Variants in SEMA4D observed in about 807,000 individuals in gnomAD.
SEMA4D encodes semaphorin-4D.
In SEMA4D, 22 loss-of-function variants were observed where a neutral mutation model predicts 74.8. That is an observed-to-expected ratio of 0.29 (90% CI 0.21 to 0.42). The LOEUF is 0.42. Among genes scored for constraint, SEMA4D ranks in the 10% least tolerant of loss-of-function variants. The pLI is 1.00. For missense variants in SEMA4D, 937 were observed against 1,118.4 expected (o/e 0.84, Z 2.31); for synonymous variants, 445 against 463.7 (o/e 0.96, Z 0.52).
Position 89,378,856 on chromosome 9 carries a change from TG to T in SEMA4D, c.2436del (p.Asp812GlufsTer41). 6.2e-7 allele frequency: 1 copy of T among 1,614,222 alleles called. No homozygotes were observed. Among genetic ancestry groups the T allele is most frequent in the African/African-American group, 1.3e-5 (1 of 75,064 alleles). On this transcript the variant is annotated frameshift_variant, in exon 16 of 16. Coordinates refer to ENST00000422704, the MANE Select transcript of SEMA4D (RefSeq NM_001371194.2). LOFTEE classifies it high-confidence loss of function. Reference protein sequence around the residue: ...QNGEHPKPALDTGYETEQDTI... With the variant: ...QNGEHPKPALXTGYETEQDTI... ...GTGTCTTGCTCGGTCTCATAGCCGGTGTCCAGGGCTGGCTTGGGGTGCTCCC... is the reference window on the plus strand; with the variant it reads ...GTGTCTTGCTCGGTCTCATAGCCGGTTCCAGGGCTGGCTTGGGGTGCTCCC...
At chr9:89,390,413 G>A (rs1010289793) in intron 9 of SEMA4D, among the ~76,000 whole-genome samples, 2 of 152,220 alleles carry the variant, frequency 1.3e-5, no homozygotes, top group Non-Finnish European at 2.9e-5. Flanking sequence ...CCTGGCTACG[G>A]AAGGCCTGGG....
At chr9:89,428,779 G>C (rs1291657264) in intron 2 of SEMA4D, among the ~76,000 whole-genome samples, 1 of 152,202 alleles carries the variant, frequency 6.6e-6, no homozygotes, top group African/African-American at 2.4e-5. Flanking sequence ...CCCCAGAAGA[G>C]CAAAAAACCA....
At chr9:89,460,119 C>G (rs1856870584) in intron 1 of SEMA4D, among the ~76,000 whole-genome samples, 1 of 152,196 alleles carries the variant, frequency 6.6e-6, no homozygotes, top group South Asian at 2.1e-4. Context: ...CGATGCATCC[C>G]CCGCCTGCTC....
downstream of SEMA4D, among the ~76,000 whole-genome samples, chr9:89,375,045 T>C (rs1835599775): frequency 6.6e-6 from 1 of 152,072 alleles, no homozygotes; most frequent in African/African-American, 2.4e-5. Flanking sequence ...AGAGCAAGAC[T>C]CTGCCTCAAA....
intron 1 of SEMA4D, chr9:89,479,886 T>C (rs1862770204): frequency 6.6e-6 from 1 of 152,296 alleles, no homozygotes; most frequent in Non-Finnish European, 1.5e-5. Context: ...CCCGAGCGGG[T>C]TGCCAATGCT....
chr9:89,382,830 G>T (rs1341850695), intron 13 of SEMA4D, among the ~76,000 whole-genome samples: 2 of 152,228 alleles, frequency 1.3e-5, no homozygotes, highest in African/African-American at 4.8e-5. Flanking sequence ...TGCCCTGGGT[G>T]GCCAAGTGGG....
At chr9:89,382,674 C>G (rs535369351) in intron 13 of SEMA4D, among the ~76,000 whole-genome samples, 1 of 152,316 alleles carries the variant, frequency 6.6e-6, no homozygotes, top group South Asian at 2.1e-4. Context: ...GATCACAGTT[C>G]GGGCATCGCG....
rs558915621 is a variant in SEMA4D at position 89,381,580 on chromosome 9, C to A, written c.1447-234G>T. 156 of 412,814 alleles carry A rather than the reference C, an allele frequency of 3.8e-4. No homozygotes were observed. Among genetic ancestry groups the A allele is most frequent in the Middle Eastern group, 1.9e-3 (3 of 1,586 alleles). The allele number at this position is 412,814 out of a possible 1,614,324, so 25.6% of individuals were successfully genotyped here. On this transcript the variant is annotated intron_variant, in intron 13 of 15. Coordinates refer to ENST00000422704, the MANE Select transcript of SEMA4D (RefSeq NM_001371194.2). The surrounding 1 kb of genome is among the most constrained non-coding windows in gnomAD (Gnocchi z 4.6). ...GCCTTAGGTCCAAATCCCTCTCTCCCCTGTCTGGGCACCCACAGGTGCCTG... is the reference window on the plus strand; with the variant it reads ...GCCTTAGGTCCAAATCCCTCTCTCCACTGTCTGGGCACCCACAGGTGCCTG...
intron 2 of SEMA4D, among the ~76,000 whole-genome samples, chr9:89,433,156 T>C (rs1310247041): frequency 1.3e-5 from 2 of 152,236 alleles, no homozygotes; most frequent in Non-Finnish European, 2.9e-5. Flanking sequence ...ACTTCTCACC[T>C]CACTGTCTAT....
chr9:89,378,952 C>G lies in SEMA4D; in HGVS notation c.2341G>C (p.Asp781His), dbSNP rs753846484. ...LLIGKKKPKS[D>H]FCDREQSLKE... ...AGGCTCTGCTCACGGTCACAGAAAT[C>G]TGACTTGGGCTTCTTCTTCCCAATT... The change falls in exon 16 of 16, where the codon GAT (aspartate) becomes CAT (histidine). Residue 781 changes from aspartate (D) to histidine (H), a missense_variant. Coordinates refer to ENST00000422704, the MANE Select transcript of SEMA4D (RefSeq NM_001371194.2). 34 of 1,614,072 alleles carry G rather than the reference C, an allele frequency of 2.1e-5. No individual in the cohort carries two copies. The highest frequency in any genetic ancestry group is 2.5e-5 in the Non-Finnish European group (30 of 1,180,034).
chr9:89,465,465 G>A (rs1423538851), intron 1 of SEMA4D, among the ~76,000 whole-genome samples: 3 of 152,242 alleles, frequency 2.0e-5, no homozygotes, highest in Non-Finnish European at 4.4e-5. Context: ...GTTGGCTGGG[G>A]GAATGGGGAT....
intron 1 of SEMA4D, among the ~76,000 whole-genome samples, chr9:89,464,045 T>C (rs1858029030): frequency 6.6e-6 from 1 of 152,142 alleles, no homozygotes; most frequent in African/African-American, 2.4e-5. Context: ...CACGTGCTTT[T>C]GGGGTTCTAT....
At chr9:89,398,207 C>A (rs906421060) in intron 5 of SEMA4D, among the ~76,000 whole-genome samples, 8 of 152,078 alleles carry the variant, frequency 5.3e-5, no homozygotes, top group African/African-American at 1.9e-4. Context: ...AAACTACCCA[C>A]AGCCCACCCT....
In SEMA4D at chr9:89,392,354, G is replaced by A. The variant is rs933235812; in HGVS notation, c.622+69C>T. 28 of 1,215,904 alleles carry A rather than the reference G, an allele frequency of 2.3e-5. No homozygotes were observed. The African/African-American group carries it at 3.6e-4, about 16-fold the overall frequency. The allele number at this position is 1,215,904 out of a possible 1,614,324, so 75.3% of individuals were successfully genotyped here. ...CCCCCAGGGCTCAGAGACAGAAAAG[G>A]AGAGATCAACAGGTGTGCACTCATG... On this transcript the variant is annotated intron_variant, in intron 8 of 15. Coordinates refer to ENST00000422704, the MANE Select transcript of SEMA4D (RefSeq NM_001371194.2).
In SEMA4D at chr9:89,473,114, G is replaced by A. The variant is rs187403999; in HGVS notation, c.-309-17161C>T. Among the ~76,000 whole-genome samples the A allele has an allele frequency of 9.1e-4, 138 of 152,190 alleles. 1 individual carries two copies. The highest frequency in any genetic ancestry group is 1.6e-3 in the Non-Finnish European group (106 of 68,016). On this transcript the variant is annotated intron_variant, in intron 1 of 15. Transcript: ENST00000422704. Reference sequence around the variant, plus strand: ...ACAAATAAAGTATTGGAAAGGAAGCGCTCATTCAACTTATCTTAAGATACT... The same window carrying A: ...ACAAATAAAGTATTGGAAAGGAAGCACTCATTCAACTTATCTTAAGATACT...
chr9:89,474,113 G>A (rs1861157269), intron 1 of SEMA4D, among the ~76,000 whole-genome samples: 1 of 152,140 alleles, frequency 6.6e-6, no homozygotes, highest in Non-Finnish European at 1.5e-5. Flanking sequence ...CTCTGCTGAT[G>A]CATGGCACCA....
intron 16 of SEMA4D, chr9:89,364,227 C>A: frequency 5.4e-6 from 3 of 552,876 alleles, no homozygotes; most frequent in Non-Finnish European, 9.4e-6. Context: ...GACCCCCTTT[C>A]TTGCAGCGCT....
At chr9:89,414,157 C>T (rs1845175286) in intron 2 of SEMA4D, among the ~76,000 whole-genome samples, 1 of 152,176 alleles carries the variant, frequency 6.6e-6, no homozygotes, top group South Asian at 2.1e-4. Context: ...GTGCTTCTGC[C>T]AGCAACAGGA....
Position 89,364,197 on chromosome 9 carries a change from G to C in SEMA4D, c.1883-247C>G, listed in dbSNP as rs552174355. 38 of 684,900 alleles carry C rather than the reference G, an allele frequency of 5.5e-5. No individual in the cohort carries two copies. In the African/African-American group the frequency reaches 6.1e-4, roughly 11 times the overall value. The allele number at this position is 684,900 out of a possible 1,614,324, so 42.4% of individuals were successfully genotyped here. A position where few individuals can be genotyped will look rare whatever the true frequency, so the allele number is the denominator to read the frequency against. ...AATTGCCATTTTTCAAAGCACACCT[G>C]TGTGGCCTGTGTCCCCTAGGACCCC... On this transcript the variant is annotated intron_variant, in intron 16 of 18. Coordinates refer to the SEMA4D transcript ENST00000339861.
Sources: gnomAD v4.1 joint callset for allele counts (sites outside exome capture counted in the v4.1 genomes callset) on GRCh38, gnomAD v4.1.1 for gene constraint, Gnocchi (gnomAD v3.1) non-coding constraint, MANE v1.5 for transcripts, NCBI Gene and HGNC (gene_info 2026-07-23, HGNC 2026-07-21) for gene names.